The following LAMA3 variants were observed in gnomAD, a reference collection of about 807,000 sequenced individuals.
LAMA3 encodes the protein laminin subunit alpha 3.
LAMA3 carries 281 observed loss-of-function variants against 402.0 expected under a neutral mutation model. That is an observed-to-expected ratio of 0.70 (90% CI 0.63 to 0.77). LAMA3 has a LOEUF of 0.77. Among genes scored for constraint, LAMA3 ranks in the 30% least tolerant of loss-of-function variants. LAMA3 has a pLI of 0.00. For synonymous variants in LAMA3, 1,431 were observed against 1,558.4 expected, an observed-to-expected ratio of 0.92 and a Z score of 1.93; for missense variants, 3,840 against 4,215.5, an observed-to-expected ratio of 0.91 and a Z score of 2.47.
chr18:23,752,324 T>A (rs1448710045), intron 5 of LAMA3, among the ~76,000 whole-genome samples: 2 of 152,176 alleles, frequency 1.3e-5, no homozygotes, highest in African/African-American at 4.8e-5. Context: ...TTTTTTTTCT[T>A]AAATTGTCTT....
intron 18 of LAMA3, 49 bp from the exon 19 acceptor site, chr18:23,819,792 G>A: frequency 6.6e-7 from 1 of 1,518,538 alleles, no homozygotes; most frequent in Non-Finnish European, 9.1e-7. Context: ...ATGTTCAGAT[G>A]ATCTATGGAC....
chr18:23,690,106 C>G, intron 1 of LAMA3, 129 bp downstream of exon 1: 1 of 746,140 alleles, frequency 1.3e-6, no homozygotes, highest in Admixed American at 3.7e-5. Flanking sequence ...AGGGCAGCCC[C>G]CATCCCCGCG....
intron 12 of LAMA3, among the ~76,000 whole-genome samples, chr18:23,802,996 T>C (rs904430332): frequency 5.3e-5 from 8 of 152,158 alleles, no homozygotes; most frequent in African/African-American, 1.9e-4. Flanking sequence ...AGTGGTGAGA[T>C]TAGTGAATTC....
Position 23,928,640 on chromosome 18 carries a change from T to A in LAMA3, c.8311T>A (p.Ser2771Thr), listed in dbSNP as rs1452749304. Residue 2771 changes from serine (S) to threonine (T), a missense_variant, in exon 64 of 75, where the codon TCA (serine) becomes ACA (threonine). This residue lies in a region of LAMA3 where 840 missense variants were observed against 981.9 expected (regional missense o/e 0.86). Coordinates refer to ENST00000313654, the MANE Select transcript of LAMA3 (RefSeq NM_198129.4). Reference protein sequence around the residue: ...SEDWKLVRSASFSRGGQLSFT... With the variant: ...SEDWKLVRSATFSRGGQLSFT... ...TGCATTTCAGCTTGTGCGATCTGCC[T>A]CATTCTCCAGAGGAGGACAATTGAG... The A allele has an allele frequency of 6.2e-7, 1 of 1,613,964 alleles. No homozygotes were observed. The highest frequency in any genetic ancestry group is 1.3e-5 in the African/African-American group (1 of 74,936).
At position 23,871,623 on chromosome 18, in the gene LAMA3, T is replaced by G. The variant is rs1388052282; in HGVS notation, c.4960T>G (p.Cys1654Gly). The change falls in exon 38 of 75, where the codon TGT becomes GGT. Residue 1654 changes from cysteine to glycine, a missense_variant. Transcript: ENST00000313654. ...SGRIALAVEI[C>G]ACPPAYAGDS... ...GCGCATAGCACTTGCTGTGGAAATCTGTGCCTGCCCCCCTGCCTACGCTGG... is the reference window on the plus strand; with the variant it reads ...GCGCATAGCACTTGCTGTGGAAATCGGTGCCTGCCCCCCTGCCTACGCTGG... 2 of 1,613,154 alleles carry G rather than the reference T, an allele frequency of 1.2e-6. No individual in the cohort carries two copies. The highest frequency in any genetic ancestry group is 1.7e-6 in the Non-Finnish European group (2 of 1,179,546).
In LAMA3 at chr18:23,689,543, C is replaced by A; in HGVS notation, c.-141C>A. The A allele has an allele frequency of 2.5e-6, 2 of 801,004 alleles. No homozygotes were observed. The highest frequency in any genetic ancestry group is 3.3e-6 in the Non-Finnish European group (2 of 600,438). The allele number at this position is 801,004 out of a possible 1,614,324, so 49.6% of individuals were successfully genotyped here. On this transcript the variant is annotated 5_prime_UTR_variant, in exon 1 of 75. Coordinates refer to ENST00000313654, the MANE Select transcript of LAMA3 (RefSeq NM_198129.4). ...CGCCGCGGGCTTCCAGCGCGTGGAG[C>A]AAGGGGAGCGGCCCCGGCGCCGCCC...
chr18:23,854,565 C>A (rs185253914), intron 32 of LAMA3, among the ~76,000 whole-genome samples: 1 of 151,380 alleles, frequency 6.6e-6, no homozygotes. Flanking sequence ...GGCGTGAACC[C>A]GGGAGGCGGA....
intron 39 of LAMA3, among the ~76,000 whole-genome samples, chr18:23,881,388 A>G (rs921883885): frequency 7.2e-5 from 11 of 152,088 alleles, no homozygotes; most frequent in African/African-American, 2.4e-4. Context: ...CAATAATATC[A>G]CTCTTCAGTA....
intron 44 of LAMA3, among the ~76,000 whole-genome samples, chr18:23,897,121 A>G (rs2080901225): frequency 6.6e-6 from 1 of 152,230 alleles, no homozygotes; most frequent in Non-Finnish European, 1.5e-5. Flanking sequence ...AAGAAGAGGT[A>G]GATAGGAAAA....
intron 12 of LAMA3, among the ~76,000 whole-genome samples, chr18:23,791,598 G>A (rs752817580): frequency 3.3e-5 from 5 of 152,132 alleles, no homozygotes; most frequent in East Asian, 1.9e-4. Flanking sequence ...GCCAGGCATC[G>A]TGGTGCATGC....
intron 2 of LAMA3, among the ~76,000 whole-genome samples, chr18:23,744,553 C>T (rs571953366): frequency 9.9e-5 from 15 of 152,040 alleles, no homozygotes; most frequent in African/African-American, 1.7e-4. Flanking sequence ...AGAATCTGGC[C>T]GGGCACGGTG....
intron 40 of LAMA3, 124 bp from the exon 41 acceptor site, chr18:23,884,649 A>G (rs1466307495): frequency 1.1e-6 from 1 of 916,328 alleles, no homozygotes; most frequent in Admixed American, 2.0e-5. Context: ...TTTTCTTCAC[A>G]CAAAGTAACC....
At chr18:23,712,008 TG>T (rs1259424579) in intron 1 of LAMA3, among the ~76,000 whole-genome samples, 1 of 152,210 alleles carries the variant, frequency 6.6e-6, no homozygotes, top group Admixed American at 6.5e-5. Flanking sequence ...CTAAATGTTC[TG>T]GTAAAATGTT....
intron 12 of LAMA3, among the ~76,000 whole-genome samples, chr18:23,809,957 A>G (rs2063035696): frequency 6.6e-6 from 1 of 152,054 alleles, no homozygotes; most frequent in Non-Finnish European, 1.5e-5. Flanking sequence ...TGTTCCCTGC[A>G]TCCTCCTCCT....
intron 1 of LAMA3, among the ~76,000 whole-genome samples, chr18:23,698,390 A>G (rs2060725841): frequency 6.6e-6 from 1 of 152,002 alleles, no homozygotes; most frequent in Non-Finnish European, 1.5e-5. Context: ...TATTTTTAGT[A>G]GAGACGGGGT....
rs772230074 is a variant in LAMA3, at chr18:23,749,381, A to G, written c.566-47A>G. 3 of 1,002,422 alleles carry G rather than the reference A, an allele frequency of 3.0e-6. No individual in the cohort carries two copies. The African/African-American group carries it at 4.8e-5, about 16-fold the overall frequency. The allele number at this position is 1,002,422 out of a possible 1,614,324, so 62.1% of individuals were successfully genotyped here. A position where few individuals can be genotyped will look rare whatever the true frequency, so the allele number is the denominator to read the frequency against. ...TAAGGCTTCTTAAGAGATTTGCAAC[A>G]AAATGATAATATTTTGTTTTATAAT... On this transcript the variant is annotated intron_variant, in intron 3 of 74. Coordinates refer to ENST00000313654, the MANE Select transcript of LAMA3 (RefSeq NM_198129.4).
At chr18:23,760,743 C>T (rs1019864548) in intron 7 of LAMA3, among the ~76,000 whole-genome samples, 1 of 152,160 alleles carries the variant, frequency 6.6e-6, no homozygotes, top group Admixed American at 6.5e-5. Context: ...TGTTCAGCTG[C>T]TGTAACGTCT....
intron 32 of LAMA3, among the ~76,000 whole-genome samples, chr18:23,852,296 A>G (rs776460002): frequency 5.3e-5 from 8 of 152,210 alleles, no homozygotes; most frequent in Non-Finnish European, 1.0e-4. Flanking sequence ...TTTATTCACA[A>G]ATACATGGTA....
At chr18:23,924,428 A>G (rs2081941335) in intron 62 of LAMA3, among the ~76,000 whole-genome samples, 1 of 152,132 alleles carries the variant, frequency 6.6e-6, no homozygotes, top group South Asian at 2.1e-4. Flanking sequence ...CTGTGATTAC[A>G]GGCATGAGCC....
Sources: allele counts gnomAD v4.1 joint callset (sites outside exome capture counted in the v4.1 genomes callset), GRCh38; gene constraint gnomAD v4.1.1; regional missense constraint gnomAD v4.1.1; transcripts MANE v1.5; gene names NCBI Gene and HGNC (gene_info 2026-07-23, HGNC 2026-07-21).